Variants in RB1 observed in about 807,000 individuals in gnomAD.
The protein encoded by RB1 is retinoblastoma-associated protein.
RB1 carries 18 observed loss-of-function variants against 135.4 expected under a neutral mutation model. The ratio of observed to expected loss-of-function variants is 0.13; its 90% CI spans 0.09 to 0.20. The LOEUF (loss-of-function observed/expected upper bound fraction) is 0.20, where lower values mean the gene tolerates loss of function less well. Among genes scored for constraint, RB1 ranks in the 10% least tolerant of loss-of-function variants. The probability of loss-of-function intolerance (pLI) is 1.00; values close to 1 mark genes in which losing one functional copy is unlikely to be tolerated. For synonymous variants in RB1, 365 were observed against 373.2 expected, an observed-to-expected ratio of 0.98 and a Z score of 0.25; for missense variants, 868 against 1,110.0, an observed-to-expected ratio of 0.78 and a Z score of 3.10.
At chr13:48,332,956 C>A in intron 2 of RB1, 1 of 397,950 alleles carries the variant, frequency 2.5e-6, no homozygotes, top group East Asian at 3.6e-5. Context: ...GAAAATAGAA[C>A]AATTATGACA....
At chr13:48,327,326 C>G (rs1036872565) in intron 2 of RB1, among the ~76,000 whole-genome samples, 3 of 151,948 alleles carry the variant, frequency 2.0e-5, no homozygotes, top group African/African-American at 7.2e-5. Context: ...GGTGGAAATG[C>G]TTACAGGAAC....
intron 9 of RB1, among the ~76,000 whole-genome samples, chr13:48,367,003 C>T (rs1392071232): frequency 6.6e-6 from 1 of 150,808 alleles, no homozygotes; most frequent in Non-Finnish European, 1.5e-5. Flanking sequence ...CCTATAATCC[C>T]AGCTACTCGG....
chr13:48,351,260 T>C (rs1243408247), intron 6 of RB1, among the ~76,000 whole-genome samples: 1 of 152,236 alleles, frequency 6.6e-6, no homozygotes, highest in African/African-American at 2.4e-5. Flanking sequence ...TTTTTGACTT[T>C]ATAGTAACAG....
chr13:48,332,336 A>G (rs751469216), intron 2 of RB1, among the ~76,000 whole-genome samples: 1 of 152,188 alleles, frequency 6.6e-6, no homozygotes, highest in Non-Finnish European at 1.5e-5. Flanking sequence ...TTGGAGACCA[A>G]GATAGGAGGA....
At chr13:48,476,489 C>T (rs1949504609) in intron 24 of RB1, 1 of 512,240 alleles carries the variant, frequency 2.0e-6, no homozygotes, top group East Asian at 3.5e-5. Flanking sequence ...GGAGGATTTA[C>T]AAAGAGTGGG....
At chr13:48,316,996 T>C in intron 2 of RB1, 1 of 493,680 alleles carries the variant, frequency 2.0e-6, no homozygotes, top group Non-Finnish European at 3.6e-6. Context: ...CGTCAATACC[T>C]CAGGTCTAAA....
At chr13:48,453,257 T>C (rs1485510098) in intron 18 of RB1, 146 bp downstream of exon 18, 4 of 830,888 alleles carry the variant, frequency 4.8e-6, no homozygotes, top group Non-Finnish European at 5.8e-6. Context: ...TAATAAAAGG[T>C]ACATGACCCA....
At chr13:48,336,417 G>T (rs1030242820) in intron 2 of RB1, among the ~76,000 whole-genome samples, 5 of 151,916 alleles carry the variant, frequency 3.3e-5, no homozygotes, top group African/African-American at 4.8e-5. Flanking sequence ...GTCTTGGGAG[G>T]GTGTATGTGT....
chr13:48,459,601 T>A, intron 19 of RB1, 87 bp from the exon 20 acceptor site: 1 of 1,377,606 alleles, frequency 7.3e-7, no homozygotes, highest in Non-Finnish European at 1.0e-6. Flanking sequence ...AACAGCATTA[T>A]AATTAGAGCG....
intron 7 of RB1, 85 bp from the exon 8 acceptor site, chr13:48,362,730 T>C: frequency 7.1e-7 from 1 of 1,408,776 alleles, no homozygotes; most frequent in Middle Eastern, 1.8e-4. Flanking sequence ...CCAAGATTAT[T>C]TTTGACCTAA....
chr13:48,441,428 G>A (rs1949235757), intron 17 of RB1, among the ~76,000 whole-genome samples: 1 of 152,140 alleles, frequency 6.6e-6, no homozygotes, highest in African/African-American at 2.4e-5. Flanking sequence ...TATAGAAGTA[G>A]TAACATGTGC....
chr13:48,402,139 C>G (rs1027564052), intron 17 of RB1, among the ~76,000 whole-genome samples: 4 of 152,060 alleles, frequency 2.6e-5, no homozygotes. Flanking sequence ...ATAGGATACA[C>G]TAATCCAATA....
intron 17 of RB1, among the ~76,000 whole-genome samples, chr13:48,414,805 T>C (rs1316681225): frequency 1.3e-5 from 2 of 152,210 alleles, no homozygotes; most frequent in African/African-American, 4.8e-5. Context: ...GTATTACTTA[T>C]AACCAATACT....
At chr13:48,441,600 A>C (rs1482009972) in intron 17 of RB1, among the ~76,000 whole-genome samples, 1 of 152,144 alleles carries the variant, frequency 6.6e-6, no homozygotes, top group Non-Finnish European at 1.5e-5. Context: ...AAACCCAAAA[A>C]ACCAATACAA....
chr13:48,321,208 A>G lies in RB1; in HGVS notation c.264+13802A>G, dbSNP rs904179135. Among the ~76,000 whole-genome samples the G allele has an allele frequency of 3.3e-5, 5 of 151,952 alleles. No individual in the cohort carries two copies. The East Asian group carries it at 5.8e-4, about 18-fold the overall frequency. ...GGGCCCGGGTCTCTGGGGCTGGCCC[A>G]TTTACTTAGTTTTGTTTTTGTTGCA... is the stretch of plus-strand genomic sequence containing the variant. On this transcript the variant is annotated intron_variant, in intron 2 of 26. Transcript: ENST00000267163.
intron 26 of RB1, among the ~76,000 whole-genome samples, chr13:48,479,073 C>T (rs1378413178): frequency 1.3e-5 from 2 of 151,860 alleles, no homozygotes; most frequent in Non-Finnish European, 2.9e-5. Flanking sequence ...CAAAAAAATC[C>T]AAAAATTAGC....
rs1345893304 is a variant in RB1 at position 48,304,042 on chromosome 13, C to G, written c.130C>G (p.Leu44Val). The change falls in exon 1 of 27, where the codon CTC becomes GTC. Residue 44 changes from leucine (L) to valine (V), a missense_variant. By Grantham distance (32) the Leu-to-Val change is conservative. Transcript: ENST00000267163. ...EQDSGPEDLP[L>V]VRLEFEETEE... ...GGACAGCGGCCCGGAGGACCTGCCT[C>G]TCGTCAGGTGAGCGAGCAGAGCCGC... 1 of 1,452,908 alleles carries G rather than the reference C, an allele frequency of 6.9e-7. No homozygotes were observed. The highest frequency in any genetic ancestry group is 9.0e-7 in the Non-Finnish European group (1 of 1,111,128). The allele number at this position is 1,452,908 out of a possible 1,614,324, so 90.0% of individuals were successfully genotyped here. A position where few individuals can be genotyped will look rare whatever the true frequency, so the allele number is the denominator to read the frequency against.
intron 11 of RB1, among the ~76,000 whole-genome samples, chr13:48,371,446 G>A (rs1428834373): frequency 6.6e-6 from 1 of 152,130 alleles, no homozygotes; most frequent in Non-Finnish European, 1.5e-5. Flanking sequence ...CAGACATAGT[G>A]TATAAAAATC....
chr13:48,422,826 C>T (rs1352578496), intron 17 of RB1: 1 of 152,034 alleles, frequency 6.6e-6, no homozygotes, highest in East Asian at 1.9e-4. Context: ...ATATAGCCTA[C>T]ATATACAACC....
Sources: allele counts gnomAD v4.1 joint callset (sites outside exome capture counted in the v4.1 genomes callset), GRCh38; gene constraint gnomAD v4.1.1; transcripts MANE v1.5; gene names NCBI Gene and HGNC (gene_info 2026-07-23, HGNC 2026-07-21).